Variants in NPAS3 observed in about 807,000 individuals in gnomAD.
The protein encoded by NPAS3 is neuronal PAS domain-containing protein 3.
In NPAS3, 14 loss-of-function variants were observed where a neutral mutation model predicts 73.1. The ratio of observed to expected loss-of-function variants is 0.19; its 90% CI spans 0.13 to 0.30. The LOEUF (loss-of-function observed/expected upper bound fraction) is 0.30. Ranked by LOEUF, NPAS3 falls within the 10% of genes least tolerant of loss-of-function variation. NPAS3 has a pLI of 1.00. For synonymous variants in NPAS3, 620 were observed against 541.5 expected, an observed-to-expected ratio of 1.14 and a Z score of -2.01; for missense variants, 1,096 against 1,250.0, an observed-to-expected ratio of 0.88 and a Z score of 1.86.
At chr14:33,037,993 C>T (rs917823393) in intron 1 of NPAS3, among the ~76,000 whole-genome samples, 2 of 152,204 alleles carry the variant, frequency 1.3e-5, no homozygotes, top group African/African-American at 4.8e-5. Flanking sequence ...TTCCATCTAA[C>T]TTCCCCCTGC....
chr14:33,518,375 A>G (rs2053401886), intron 4 of NPAS3, among the ~76,000 whole-genome samples: 1 of 152,086 alleles, frequency 6.6e-6, no homozygotes, highest in Admixed American at 6.6e-5. Context: ...GAATAATTGA[A>G]TCTGATAATA....
At chr14:33,203,893 G>A (rs1386257289) in intron 2 of NPAS3, among the ~76,000 whole-genome samples, 7 of 152,222 alleles carry the variant, frequency 4.6e-5, no homozygotes, top group African/African-American at 1.7e-4. Flanking sequence ...CTGAGGAATC[G>A]CCACACCGAC....
At chr14:33,007,568 GT>G (rs2039041659) in intron 1 of NPAS3, among the ~76,000 whole-genome samples, 1 of 152,190 alleles carries the variant, frequency 6.6e-6, no homozygotes, top group Admixed American at 6.5e-5. Context: ...AAGAGATATT[GT>G]TTTGTTCTGC....
chr14:33,016,726 C>A (rs1489899329), intron 1 of NPAS3, among the ~76,000 whole-genome samples: 1 of 151,478 alleles, frequency 6.6e-6, no homozygotes, highest in Non-Finnish European at 1.5e-5. Context: ...TTATAAAATA[C>A]TTAACCATTT....
At chr14:33,147,681 A>T (rs971997488) in intron 2 of NPAS3, among the ~76,000 whole-genome samples, 18 of 149,452 alleles carry the variant, frequency 1.2e-4, no homozygotes, top group Non-Finnish European at 2.2e-4. Flanking sequence ...CATATGTAAC[A>T]AACCTGCACA....
intron 3 of NPAS3, among the ~76,000 whole-genome samples, chr14:33,348,946 C>T (rs2044884608): frequency 6.6e-6 from 1 of 152,132 alleles, no homozygotes; most frequent in South Asian, 2.1e-4. Context: ...TCATTTCCTA[C>T]TTGAGTTTTC....
chr14:33,259,658 T>C (rs908943161), intron 3 of NPAS3, among the ~76,000 whole-genome samples: 11 of 152,166 alleles, frequency 7.2e-5, no homozygotes, highest in African/African-American at 2.7e-4. Context: ...TTTTGTTCAT[T>C]TTATTTTTAA....
intron 3 of NPAS3, among the ~76,000 whole-genome samples, chr14:33,320,290 T>C (rs1213228918): frequency 6.6e-6 from 1 of 152,124 alleles, no homozygotes; most frequent in Non-Finnish European, 1.5e-5. Flanking sequence ...AGGATACATT[T>C]CTATTCAGTA....
Position 33,392,761 on chromosome 14 carries a change from C to A in NPAS3, c.468+25493C>A, listed in dbSNP as rs2047063004. ...ATTTTACACATCACCGCTCGTGTTACCCTTACTCCAGTTGAATTTTGCCCT... is the reference window on the plus strand; with the variant it reads ...ATTTTACACATCACCGCTCGTGTTAACCTTACTCCAGTTGAATTTTGCCCT... On this transcript the variant is annotated intron_variant, in intron 4 of 11. Transcript: ENST00000356141. Among the ~76,000 whole-genome samples, 4 of 152,010 alleles carry A rather than the reference C, an allele frequency of 2.6e-5. No individual in the cohort carries two copies. The South Asian group carries it at 6.2e-4, about 24-fold the overall frequency.
At chr14:33,137,566 T>C (rs750872108) in intron 2 of NPAS3, among the ~76,000 whole-genome samples, 8 of 152,166 alleles carry the variant, frequency 5.3e-5, no homozygotes, top group Non-Finnish European at 1.0e-4. Flanking sequence ...TGGGTACATA[T>C]ACACATCAAC....
At chr14:33,560,652 C>T (rs8003898) in intron 5 of NPAS3, among the ~76,000 whole-genome samples, 123,787 of 151,806 alleles carry the variant, frequency 0.82, 50,570 homozygotes, top group Admixed American at 0.83. Flanking sequence ...CATTAAAATG[C>T]GTTGCAGGGA....
At chr14:33,124,158 T>C (rs2043341805) in intron 2 of NPAS3, among the ~76,000 whole-genome samples, 1 of 152,026 alleles carries the variant, frequency 6.6e-6, no homozygotes, top group Non-Finnish European at 1.5e-5. Context: ...CCAGCCTCTA[T>C]GAAGTTTTAT....
At chr14:33,686,319 T>G (rs1045764674) in intron 6 of NPAS3, among the ~76,000 whole-genome samples, 2 of 152,180 alleles carry the variant, frequency 1.3e-5, no homozygotes, top group African/African-American at 2.4e-5. Context: ...AGGGAGGAGC[T>G]GGGGTGCCAG....
At chr14:33,136,823 TG>T (rs1325081710) in intron 2 of NPAS3, among the ~76,000 whole-genome samples, 2 of 152,230 alleles carry the variant, frequency 1.3e-5, no homozygotes, top group Non-Finnish European at 2.9e-5. Context: ...GTTACAAAGA[TG>T]ATGGGAGCAA....
Position 32,946,348 on chromosome 14 carries a change from G to GCACACACACA in NPAS3, c.50+7011_50+7020dup, listed in dbSNP as rs3057257. On this transcript the variant is annotated intron_variant, in intron 1 of 11. Transcript: ENST00000356141. Reference sequence around the variant, plus strand: ...CCATCCCCCCAACACACACACACGCGCACACACACACACACACACACACAC... The same window carrying GCACACACACA: ...CCATCCCCCCAACACACACACACGCGCACACACACACACACACACACACACACACACACAC... Among the ~76,000 whole-genome samples the GCACACACACA allele has an allele frequency of 5.0e-3, 694 of 139,382 alleles. 6 individuals are homozygous for GCACACACACA. The highest frequency in any genetic ancestry group is 0.011 in the Admixed American group (155 of 13,780). The allele number at this position is 139,382 out of a possible 152,430, so 91.4% of individuals were successfully genotyped here.
chr14:33,096,498 T>C (rs2042423850), intron 2 of NPAS3, among the ~76,000 whole-genome samples: 1 of 152,186 alleles, frequency 6.6e-6, no homozygotes, highest in African/African-American at 2.4e-5. Flanking sequence ...TTAGAGAGAA[T>C]TGGGAACAGG....
intron 1 of NPAS3, among the ~76,000 whole-genome samples, chr14:33,030,621 C>T (rs974976504): frequency 3.3e-5 from 5 of 152,026 alleles, no homozygotes; most frequent in African/African-American, 7.2e-5. Context: ...TCAAAACAGG[C>T]GAAAATACAG....
intron 1 of NPAS3, among the ~76,000 whole-genome samples, chr14:32,967,067 A>T (rs2037204885): frequency 6.6e-6 from 1 of 152,118 alleles, no homozygotes; most frequent in Non-Finnish European, 1.5e-5. Flanking sequence ...TTGAACCTTG[A>T]AAAACATGGA....
At chr14:33,396,123 C>A (rs2047212606) in intron 4 of NPAS3, among the ~76,000 whole-genome samples, 1 of 152,158 alleles carries the variant, frequency 6.6e-6, no homozygotes, top group Non-Finnish European at 1.5e-5. Flanking sequence ...ACTTTGTGAA[C>A]CTCATTGAGA....
Sources: gnomAD v4.1 joint callset for allele counts (sites outside exome capture counted in the v4.1 genomes callset) on GRCh38, gnomAD v4.1.1 for gene constraint, MANE v1.5 for transcripts, NCBI Gene and HGNC (gene_info 2026-07-23, HGNC 2026-07-21) for gene names.